Variants in APBA2 observed in about 807,000 individuals in gnomAD.
The protein encoded by APBA2 is amyloid-beta A4 precursor protein-binding family A member 2.
A neutral mutation model predicts 75.0 loss-of-function variants in APBA2; 30 were observed. That is an observed-to-expected ratio of 0.40 (90% CI 0.30 to 0.54). The LOEUF is 0.54. Ranked by LOEUF, APBA2 falls within the 20% of genes least tolerant of loss-of-function variation. The pLI is 0.49. For missense variants in APBA2, 801 were observed against 1,016.1 expected (o/e 0.79, Z 2.88); for synonymous variants, 444 against 409.6 (o/e 1.08, Z -1.01).
At chr15:28,989,324 G>A (rs896555278) in intron 2 of APBA2, among the ~76,000 whole-genome samples, 1 of 152,218 alleles carries the variant, frequency 6.6e-6, no homozygotes, top group African/African-American at 2.4e-5. Flanking sequence ...GTATGCCTCA[G>A]TGTCCTCATC....
chr15:29,045,769 A>G (rs1177916192), intron 3 of APBA2, among the ~76,000 whole-genome samples: 2 of 152,206 alleles, frequency 1.3e-5, no homozygotes, highest in African/African-American at 4.8e-5. Context: ...GTGGGCATCC[A>G]TTCCTCTCTA....
intron 2 of APBA2, among the ~76,000 whole-genome samples, chr15:28,948,896 GT>G (rs1479952659): frequency 1.3e-5 from 2 of 151,406 alleles, no homozygotes; most frequent in East Asian, 3.9e-4. Context: ...AGGCTGGGGG[GT>G]TGGTGAGGAT....
intron 3 of APBA2, among the ~76,000 whole-genome samples, chr15:29,007,605 G>T (rs1437233884): frequency 6.6e-6 from 1 of 152,114 alleles, no homozygotes; most frequent in African/African-American, 2.4e-5. Flanking sequence ...TAGACACATG[G>T]CCAGTAAACA....
chr15:28,988,513 C>T (rs2038048766), intron 2 of APBA2, among the ~76,000 whole-genome samples: 1 of 152,164 alleles, frequency 6.6e-6, no homozygotes, highest in Non-Finnish European at 1.5e-5. Context: ...ATCCGCCTAC[C>T]TTGGCCTCCC....
At chr15:29,052,379 C>T (rs1276212336) in intron 3 of APBA2, among the ~76,000 whole-genome samples, 1 of 146,020 alleles carries the variant, frequency 6.8e-6, no homozygotes, top group African/African-American at 2.6e-5. Flanking sequence ...GGTGTGAACC[C>T]AGGAGGTGGA....
intron 3 of APBA2, among the ~76,000 whole-genome samples, chr15:29,026,668 C>T (rs1439965915): frequency 6.6e-6 from 1 of 152,046 alleles, no homozygotes; most frequent in African/African-American, 2.4e-5. Flanking sequence ...AATCCCAGCA[C>T]TTTGGGAGGC....
At chr15:29,034,603 T>C (rs751442528) in intron 3 of APBA2, among the ~76,000 whole-genome samples, 1 of 152,168 alleles carries the variant, frequency 6.6e-6, no homozygotes, top group Non-Finnish European at 1.5e-5. Flanking sequence ...GCTATTTGTT[T>C]ACTTTGAAGA....
At chr15:29,036,242 T>TA (rs1184586299) in intron 3 of APBA2, among the ~76,000 whole-genome samples, 3 of 119,390 alleles carry the variant, frequency 2.5e-5, no homozygotes, top group Admixed American at 8.2e-5. Flanking sequence ...TTTTTTGTCT[T>TA]AAAAAACTAT....
chr15:29,033,106 A>C (rs1156778638), intron 3 of APBA2, among the ~76,000 whole-genome samples: 1 of 152,194 alleles, frequency 6.6e-6, no homozygotes, highest in Non-Finnish European at 1.5e-5. Context: ...CCAGCCTCTG[A>C]ACGAGAATTG....
At chr15:28,896,257 G>A (rs1419237803) in intron 1 of APBA2, among the ~76,000 whole-genome samples, 1 of 152,068 alleles carries the variant, frequency 6.6e-6, no homozygotes, top group African/African-American at 2.4e-5. Context: ...GTCAACTGAT[G>A]TCCCAAACCC....
At chr15:29,023,294 G>A (rs963526096) in intron 3 of APBA2, among the ~76,000 whole-genome samples, 8 of 151,998 alleles carry the variant, frequency 5.3e-5, no homozygotes, top group African/African-American at 1.9e-4. Context: ...TACTTTTATG[G>A]CGTCACTATA....
chr15:29,046,075 G>GGACCTTCC lies in APBA2; in HGVS notation c.-40-7769_-40-7762dup, dbSNP rs1566942104. ...AAAGGTGGGATTTGGCAGCTATGTG[G>GGACCTTCC]GACCTTCCTTCAGGCACTAAAGGGC... On this transcript the variant is annotated intron_variant, in intron 3 of 14. Transcript: ENST00000683413. The surrounding 1 kb of genome is among the most constrained non-coding windows in gnomAD (Gnocchi z 5.0). Among the ~76,000 whole-genome samples the GGACCTTCC allele has an allele frequency of 6.6e-6, 1 of 152,144 alleles. No homozygotes were observed. The highest frequency in any genetic ancestry group is 2.4e-5 in the African/African-American group (1 of 41,430).
chr15:29,033,512 G>A (rs961869946), intron 3 of APBA2, among the ~76,000 whole-genome samples: 9 of 152,036 alleles, frequency 5.9e-5, no homozygotes, highest in Admixed American at 3.3e-4. Context: ...GGGTCCTCAG[G>A]CCCATCCTTA....
intron 6 of APBA2, among the ~76,000 whole-genome samples, chr15:29,082,238 G>A (rs565053962): frequency 3.5e-4 from 53 of 152,212 alleles, no homozygotes; most frequent in African/African-American, 1.2e-3. Flanking sequence ...CTTTATTGGC[G>A]TATAACTGAC....
chr15:29,016,253 C>T (rs913960420), intron 3 of APBA2, among the ~76,000 whole-genome samples: 11 of 152,120 alleles, frequency 7.2e-5, no homozygotes, highest in Admixed American at 7.2e-4. Context: ...GAGACTCAGT[C>T]TCAAAAAACA....
Position 29,054,796 on chromosome 15 carries a change from C to T in APBA2, c.912C>T (p.Thr304=), listed in dbSNP as rs1469538542. ...CCCAGAGAGGCTTCAAGCCCAAGAC[C>T]AGGACCCCAGAAGAGAGGCTGAAGT... ...GDPQRGFKPK[T]RTPEERLKWP... The change falls in exon 4 of 15, where the codon ACC becomes ACT. Residue 304 remains threonine, a synonymous_variant. Transcript: ENST00000683413. This position sits in a 1 kb window ranked among gnomAD's most constrained non-coding sequence, Gnocchi z 6.1. 1.9e-6 allele frequency: 3 copies of T among 1,601,628 alleles called. No homozygotes were observed. The highest frequency in any genetic ancestry group is 1.3e-5 in the African/African-American group (1 of 74,936).
chr15:29,040,584 G>A (rs1295769202), intron 3 of APBA2, among the ~76,000 whole-genome samples: 1 of 152,170 alleles, frequency 6.6e-6, no homozygotes, highest in Non-Finnish European at 1.5e-5. Context: ...GCACAGCAAA[G>A]GGTTTTGAAA....
At chr15:28,932,453 C>T (rs2034613900) in intron 2 of APBA2, among the ~76,000 whole-genome samples, 1 of 152,172 alleles carries the variant, frequency 6.6e-6, no homozygotes, top group African/African-American at 2.4e-5. Context: ...TGCAGGTGGG[C>T]CTAGTGCTGC....
rs563552825 is a variant in APBA2 at position 29,021,933 on chromosome 15, C to T, written c.-41+26127C>T. Among the ~76,000 whole-genome samples the T allele has an allele frequency of 1.9e-3, 291 of 152,256 alleles. 1 individual carries two copies. The highest frequency in any genetic ancestry group is 6.8e-3 in the African/African-American group (283 of 41,546). Reference sequence around the variant, plus strand: ...GTGCCTGGCCTATTTCACTTAATGTCCTCCAGTTTCATCCGTGTGGCTGTA... The same window carrying T: ...GTGCCTGGCCTATTTCACTTAATGTTCTCCAGTTTCATCCGTGTGGCTGTA... On this transcript the variant is annotated intron_variant, in intron 3 of 14. Transcript: ENST00000683413.
Sources: gnomAD v4.1 joint callset for allele counts (sites outside exome capture counted in the v4.1 genomes callset) on GRCh38, gnomAD v4.1.1 for gene constraint, Gnocchi (gnomAD v3.1) non-coding constraint, MANE v1.5 for transcripts, NCBI Gene and HGNC (gene_info 2026-07-23, HGNC 2026-07-21) for gene names.